Variants in CADM2 observed in about 807,000 individuals in gnomAD.
CADM2 encodes the protein immunoglobulin superfamily member 4D.
Under a neutral mutation model 49.8 loss-of-function variants are expected in CADM2, and 12 were observed. That is an observed-to-expected ratio of 0.24 (90% CI 0.15 to 0.39). The LOEUF is 0.39. Ranked by LOEUF, CADM2 falls within the 10% of genes least tolerant of loss-of-function variation. CADM2 has a pLI of 1.00. For missense variants in CADM2, 378 were observed against 492.3 expected, an observed-to-expected ratio of 0.77 and a Z score of 2.20; for synonymous variants, 214 against 175.4, an observed-to-expected ratio of 1.22 and a Z score of -1.74.
chr3:85,685,615 CTTTTTTTTTT>C (rs59277971), intron 1 of CADM2, among the ~76,000 whole-genome samples: 1 of 122,006 alleles, frequency 8.2e-6, no homozygotes, highest in African/African-American at 2.9e-5. Context: ...TTCTTTCTTT[CTTTTTTTTTT>C]TTTTTTTTTT....
At chr3:85,894,781 A>G (rs1426825923) in intron 5 of CADM2, among the ~76,000 whole-genome samples, 4 of 152,188 alleles carry the variant, frequency 2.6e-5, no homozygotes, top group Non-Finnish European at 5.9e-5. Context: ...CTTACAGCTC[A>G]GGATGCTGCT....
intron 1 of CADM2, among the ~76,000 whole-genome samples, chr3:85,090,723 C>T (rs757041493): frequency 6.6e-6 from 1 of 152,112 alleles, no homozygotes; most frequent in Non-Finnish European, 1.5e-5. Flanking sequence ...CTGAGCACCA[C>T]CTGCTGTCAG....
rs561209939 is a variant in CADM2, at chr3:85,397,744, G to C, written c.62-328778G>C. 2.0e-3 allele frequency among the ~76,000 whole-genome samples: 308 copies of C among 152,282 alleles called. 3 individuals are homozygous for C. Among genetic ancestry groups the C allele is most frequent in the African/African-American group, 7.3e-3 (302 of 41,562 alleles). On this transcript the variant is annotated intron_variant, in intron 1 of 9. Coordinates refer to ENST00000383699, the MANE Select transcript of CADM2 (RefSeq NM_001167675.2). ...GGCTGAGGGGGAGGGGTATTGATTA[G>C]TTATGGTTTATTGGGTACAGAGTTT...
chr3:86,048,793 T>C (rs1006176232), intron 8 of CADM2, among the ~76,000 whole-genome samples: 1 of 152,152 alleles, frequency 6.6e-6, no homozygotes, highest in East Asian at 1.9e-4. Flanking sequence ...ACTGAACATG[T>C]ATTCTGCTGG....
At chr3:85,784,871 C>A (rs2070886246) in intron 2 of CADM2, among the ~76,000 whole-genome samples, 1 of 152,048 alleles carries the variant, frequency 6.6e-6, no homozygotes, top group Admixed American at 6.6e-5. Flanking sequence ...GGCATTAGTT[C>A]TTTAAATATT....
intron 1 of CADM2, among the ~76,000 whole-genome samples, chr3:85,001,053 A>C (rs2107215137): frequency 6.6e-6 from 1 of 152,260 alleles, no homozygotes; most frequent in Admixed American, 6.5e-5. Flanking sequence ...CAATCAGATT[A>C]ACCTAGATAA....
chr3:85,086,178 C>T (rs908742554), intron 1 of CADM2, among the ~76,000 whole-genome samples: 5 of 152,062 alleles, frequency 3.3e-5, no homozygotes, highest in African/African-American at 1.2e-4. Context: ...GATACTGCTA[C>T]TAAAAATTCT....
intron 1 of CADM2, among the ~76,000 whole-genome samples, chr3:85,308,787 G>T (rs1289895324): frequency 6.6e-6 from 1 of 151,942 alleles, no homozygotes; most frequent in Admixed American, 6.6e-5. Context: ...TCAGTAATTT[G>T]ATTCAACTCT....
chr3:86,007,470 CA>C (rs1730935497), intron 8 of CADM2, among the ~76,000 whole-genome samples: 1 of 152,112 alleles, frequency 6.6e-6, no homozygotes, highest in Admixed American at 6.6e-5. Context: ...CTGAACTTTC[CA>C]GCAGCCAAGG....
intron 1 of CADM2, among the ~76,000 whole-genome samples, chr3:85,134,191 C>A (rs1232280817): frequency 6.6e-6 from 1 of 152,240 alleles, no homozygotes; most frequent in Non-Finnish European, 1.5e-5. Flanking sequence ...ACCCGGAACT[C>A]CAGCTGGCCC....
intron 1 of CADM2, among the ~76,000 whole-genome samples, chr3:85,412,990 A>C (rs552101991): frequency 6.6e-6 from 1 of 151,266 alleles, no homozygotes; most frequent in African/African-American, 2.4e-5. Context: ...AAACACAAAA[A>C]ATTAGCCAGG....
chr3:85,854,635 G>A (rs909045196), intron 3 of CADM2, among the ~76,000 whole-genome samples: 23 of 152,056 alleles, frequency 1.5e-4, no homozygotes, highest in Non-Finnish European at 2.8e-4. Context: ...GTCAGGGGTT[G>A]GGGGTCAAGG....
chr3:85,538,767 G>C (rs1031585027), intron 1 of CADM2, among the ~76,000 whole-genome samples: 1 of 152,014 alleles, frequency 6.6e-6, no homozygotes, highest in Admixed American at 6.6e-5. Flanking sequence ...TCTTTCTGAT[G>C]TACTTGGGTT....
chr3:85,958,793 C>G (rs1724405766), intron 7 of CADM2, among the ~76,000 whole-genome samples: 1 of 151,880 alleles, frequency 6.6e-6, no homozygotes, highest in Non-Finnish European at 1.5e-5. Context: ...CAAACTAATA[C>G]AAGAACAGAA....
intron 1 of CADM2, among the ~76,000 whole-genome samples, chr3:85,034,469 T>C (rs1435371243): frequency 6.6e-6 from 1 of 152,180 alleles, no homozygotes; most frequent in Admixed American, 6.5e-5. Context: ...CTTGCATATA[T>C]GCACCATATT....
intron 1 of CADM2, among the ~76,000 whole-genome samples, chr3:85,347,529 GTATACACACATATATAAATATA>G (rs1378356560): frequency 7.1e-6 from 1 of 140,650 alleles, no homozygotes; most frequent in African/African-American, 2.6e-5. Flanking sequence ...ATATATAAAT[GTATACACACATATATAAATATA>G]TATACACACA....
At chr3:85,334,421 G>A (rs182306490) in intron 1 of CADM2, among the ~76,000 whole-genome samples, 35 of 151,588 alleles carry the variant, frequency 2.3e-4, no homozygotes, top group African/African-American at 7.7e-4. Flanking sequence ...GACAGCCGTC[G>A]CCAGCTCAGG....
intron 3 of CADM2, among the ~76,000 whole-genome samples, chr3:85,863,776 T>G (rs2075624361): frequency 1.3e-5 from 2 of 152,220 alleles, no homozygotes; most frequent in South Asian, 4.1e-4. Context: ...TAAACAGCAC[T>G]TGATAATACA....
chr3:85,141,040 T>A (rs1024288478), intron 1 of CADM2, among the ~76,000 whole-genome samples: 1 of 152,170 alleles, frequency 6.6e-6, no homozygotes, highest in African/African-American at 2.4e-5. Flanking sequence ...AGAGACTAAA[T>A]ATATGTATTA....
Sources: gnomAD v4.1 joint callset for allele counts (sites outside exome capture counted in the v4.1 genomes callset) on GRCh38, gnomAD v4.1.1 for gene constraint, MANE v1.5 for transcripts, NCBI Gene and HGNC (gene_info 2026-07-23, HGNC 2026-07-21) for gene names.